Variants in MYH15 observed in about 807,000 individuals in gnomAD.
MYH15 encodes myosin heavy chain 15.
A neutral mutation model predicts 240.5 loss-of-function variants in MYH15; 227 were observed. The observed-to-expected ratio is 0.94, with a 90% CI of 0.85 to 1.05. The LOEUF is 1.05. MYH15 is among the 50% of genes least tolerant of loss of function. MYH15 has a pLI of 0.00. For synonymous variants in MYH15, 785 were observed against 796.7 expected, an observed-to-expected ratio of 0.99 and a Z score of 0.25; for missense variants, 2,217 against 2,247.5, an observed-to-expected ratio of 0.99 and a Z score of 0.27.
At chr3:108,445,478 C>G (rs1007546624) in intron 21 of MYH15, among the ~76,000 whole-genome samples, 1 of 151,636 alleles carries the variant, frequency 6.6e-6, no homozygotes, top group Admixed American at 6.6e-5. Context: ...AATTATACTG[C>G]CTGAATGATA....
intron 11 of MYH15, among the ~76,000 whole-genome samples, chr3:108,480,802 T>C (rs577107873): frequency 1.3e-5 from 2 of 152,148 alleles, no homozygotes; most frequent in South Asian, 4.2e-4. Flanking sequence ...TACTAGAAAA[T>C]ATGCAGCTGA....
intron 7 of MYH15, among the ~76,000 whole-genome samples, chr3:108,493,865 A>G (rs2083372191): frequency 6.6e-6 from 1 of 152,254 alleles, no homozygotes; most frequent in Admixed American, 6.5e-5. Context: ...TAAGGTTTTA[A>G]GCAGAGGAGT....
chr3:108,499,754 A>G (rs1293490955), intron 4 of MYH15, among the ~76,000 whole-genome samples: 1 of 152,228 alleles, frequency 6.6e-6, no homozygotes, highest in African/African-American at 2.4e-5. Flanking sequence ...GATTCTTGCC[A>G]TTTTAAGCCT....
chr3:108,428,411 T>C (rs1406137590), intron 27 of MYH15, 81 bp downstream of exon 27: 11 of 1,481,678 alleles, frequency 7.4e-6, no homozygotes, highest in Non-Finnish European at 9.1e-6. Context: ...CTGGCTTATT[T>C]TTCTTTTCCC....
upstream of MYH15, among the ~76,000 whole-genome samples, chr3:108,529,806 AG>A: frequency 6.6e-6 from 1 of 152,322 alleles, no homozygotes; most frequent in South Asian, 2.1e-4. Flanking sequence ...GACATAACAC[AG>A]GGAGTTTTCA....
chr3:108,462,423 G>C (rs1251723617), intron 16 of MYH15, among the ~76,000 whole-genome samples: 2 of 151,948 alleles, frequency 1.3e-5, no homozygotes, highest in Non-Finnish European at 2.9e-5. Flanking sequence ...AATCAGGGAT[G>C]CTACTTAACT....
At chr3:108,459,941 T>A (rs1409301547) in intron 17 of MYH15, among the ~76,000 whole-genome samples, 1 of 152,144 alleles carries the variant, frequency 6.6e-6, no homozygotes, top group Non-Finnish European at 1.5e-5. Context: ...TAAACACGAA[T>A]GCACCAATTG....
chr3:108,495,951 G>A, intron 6 of MYH15, 79 bp from the exon 7 acceptor site: 3 of 1,053,450 alleles, frequency 2.8e-6, no homozygotes, highest in Non-Finnish European at 2.7e-6. Flanking sequence ...CCATCTCCAG[G>A]TCAAACCCCA....
chr3:108,439,140 G>A (rs1390452724), intron 24 of MYH15, among the ~76,000 whole-genome samples: 1 of 151,998 alleles, frequency 6.6e-6, no homozygotes, highest in Admixed American at 6.5e-5. Context: ...CATACACTAT[G>A]TCAGCTGGGG....
chr3:108,428,358 AAAGGACTATAGT>A (rs2082743322), intron 27 of MYH15, 122 bp downstream of exon 27: 6 of 1,115,104 alleles, frequency 5.4e-6, no homozygotes, highest in Non-Finnish European at 7.7e-6. Context: ...TATTCCGTCC[AAAGGACTATAGT>A]CTTCATTAGA....
the MYH15 span, among the ~76,000 whole-genome samples, chr3:108,546,276 G>C: frequency 6.6e-6 from 1 of 152,136 alleles, no homozygotes; most frequent in East Asian, 1.9e-4. Context: ...TCTTTTGCTA[G>C]GGCTAATCAT....
At chr3:108,478,161 C>T (rs929116075) in intron 11 of MYH15, among the ~76,000 whole-genome samples, 5 of 152,008 alleles carry the variant, frequency 3.3e-5, no homozygotes, top group African/African-American at 4.8e-5. Flanking sequence ...AAACAAAACA[C>T]AATTAGAGAG....
intron 25 of MYH15, among the ~76,000 whole-genome samples, chr3:108,432,710 G>C (rs2082788884): frequency 6.6e-6 from 1 of 152,176 alleles, no homozygotes; most frequent in Admixed American, 6.5e-5. Context: ...CATAGAGCTT[G>C]GGTCATGGCT....
At chr3:108,524,779 GAAGGAGTT>G (rs2083653582) in intron 1 of MYH15, among the ~76,000 whole-genome samples, 1 of 152,032 alleles carries the variant, frequency 6.6e-6, no homozygotes. Flanking sequence ...ATGAAGTCTG[GAAGGAGTT>G]AATCCAGGGC....
At chr3:108,486,624 C>G in intron 9 of MYH15, 98 bp from the exon 10 acceptor site, 1 of 699,246 alleles carries the variant, frequency 1.4e-6, no homozygotes. Context: ...CAGTTTATAT[C>G]ATACTTGTAA....
At position 108,495,843 on chromosome 3, in the gene MYH15, C is replaced by T. The variant is rs760159193; in HGVS notation, c.648G>A (p.Ala216=). Residue 216 remains alanine, a synonymous_variant, in exon 7 of 41, where the codon GCG becomes GCA. Transcript: ENST00000693548. ...QGALEDQIMQ[A]NTILEAFGNA... is the part of the protein sequence containing the mutation. Reference sequence around the variant, plus strand: ...TTCCAAATGCTTCCAAGATAGTATTCGCTTGCATGATTTGATCTTCTAACG... The same window carrying T: ...TTCCAAATGCTTCCAAGATAGTATTTGCTTGCATGATTTGATCTTCTAACG... 9 of 1,611,426 alleles carry T rather than the reference C, an allele frequency of 5.6e-6. No homozygotes were observed. The highest frequency in any genetic ancestry group is 2.2e-5 in the East Asian group (1 of 44,740).
intron 9 of MYH15, among the ~76,000 whole-genome samples, chr3:108,487,020 A>G (rs1463809681): frequency 1.3e-5 from 2 of 152,186 alleles, no homozygotes; most frequent in South Asian, 2.1e-4. Flanking sequence ...GTCACATCAC[A>G]TCCTCGCTAT....
chr3:108,456,123 GGAAA>G (rs147986515), intron 19 of MYH15, among the ~76,000 whole-genome samples: 2,599 of 152,244 alleles, frequency 0.017, 69 homozygotes, highest in African/African-American at 0.059. Context: ...GATTGGAAGA[GGAAA>G]GAGAGGGAGG....
chr3:108,467,701 T>G (rs2083131757), intron 14 of MYH15, among the ~76,000 whole-genome samples: 1 of 152,194 alleles, frequency 6.6e-6, no homozygotes, highest in African/African-American at 2.4e-5. Context: ...AGAGTATTTA[T>G]TAGGAAATAA....
Sources: gnomAD v4.1 joint callset for allele counts (sites outside exome capture counted in the v4.1 genomes callset) on GRCh38, gnomAD v4.1.1 for gene constraint, MANE v1.5 for transcripts, NCBI Gene and HGNC (gene_info 2026-07-23, HGNC 2026-07-21) for gene names.